Variants in PPP1R12B observed in about 807,000 individuals in gnomAD.
PPP1R12B encodes protein phosphatase 1 regulatory subunit 12B, also known as myosin phosphatase target subunit 2.
In PPP1R12B, 76 loss-of-function variants were observed where a neutral mutation model predicts 126.1. The ratio of observed to expected loss-of-function variants is 0.60; its 90% confidence interval spans 0.50 to 0.73. The LOEUF (loss-of-function observed/expected upper bound fraction) is 0.73. PPP1R12B is among the 30% of genes least tolerant of loss of function. The pLI is 0.00. For missense variants in PPP1R12B, 1,052 were observed against 1,205.1 expected (o/e 0.87, Z 1.88); for synonymous variants, 356 against 434.7 (o/e 0.82, Z 2.25).
chr1:202,521,143 C>T (rs893116256), intron 18 of PPP1R12B, among the ~76,000 whole-genome samples: 8 of 152,154 alleles, frequency 5.3e-5, no homozygotes, highest in African/African-American at 1.7e-4. Context: ...ACCCAAAATA[C>T]TTTTGGGCTA....
In PPP1R12B at chr1:202,535,579, C is replaced by T. The variant is rs1684451958; in HGVS notation, c.2491-23298C>T. On this transcript the variant is annotated intron_variant, in intron 18 of 23. Transcript: ENST00000608999. ...ATATTTGTTGGAAACTCTGTTGAGC[C>T]GACTACCTGGTGCTCTTAATTCCAT... 2.0e-5 allele frequency among the ~76,000 whole-genome samples: 3 copies of T among 152,096 alleles called. No individual in the cohort carries two copies. The South Asian group carries it at 6.2e-4, about 32-fold the overall frequency.
At chr1:202,505,833 C>A (rs2148883363) in intron 18 of PPP1R12B, among the ~76,000 whole-genome samples, 1 of 151,958 alleles carries the variant, frequency 6.6e-6, no homozygotes, top group Admixed American at 6.5e-5. Flanking sequence ...AGATTTTTCT[C>A]CTCTTAACCT....
chr1:202,558,031 T>C (rs1159230783), intron 18 of PPP1R12B, among the ~76,000 whole-genome samples: 1 of 152,190 alleles, frequency 6.6e-6, no homozygotes, highest in African/African-American at 2.4e-5. Context: ...TTTGCTTCTC[T>C]TCCTCCTCTT....
intron 18 of PPP1R12B, among the ~76,000 whole-genome samples, chr1:202,498,632 C>T (rs967093213): frequency 1.3e-5 from 2 of 152,200 alleles, no homozygotes; most frequent in African/African-American, 4.8e-5. Context: ...GCCTACAGAG[C>T]CACATGCCTG....
At chr1:202,430,913 G>C (rs1670110758) in intron 7 of PPP1R12B, 103 bp downstream of exon 7, 1 of 1,457,626 alleles carries the variant, frequency 6.9e-7, no homozygotes, top group Admixed American at 2.4e-5. Context: ...TTTGTATTTA[G>C]CCGAGTGATC....
At chr1:202,542,281 G>A (rs1685204413) in intron 18 of PPP1R12B, among the ~76,000 whole-genome samples, 1 of 152,108 alleles carries the variant, frequency 6.6e-6, no homozygotes, top group South Asian at 2.1e-4. Context: ...TATGTCTTTT[G>A]ATGCCTGGTT....
chr1:202,561,299 T>G (rs1462297435), intron 19 of PPP1R12B, among the ~76,000 whole-genome samples: 1 of 151,910 alleles, frequency 6.6e-6, no homozygotes, highest in Non-Finnish European at 1.5e-5. Flanking sequence ...TTGTTTATAA[T>G]AGCTAAAAAA....
intron 1 of PPP1R12B, among the ~76,000 whole-genome samples, chr1:202,382,855 G>T (rs1290518885): frequency 6.7e-6 from 1 of 150,112 alleles, no homozygotes; most frequent in Non-Finnish European, 1.5e-5. Context: ...CAGCCTGGGG[G>T]ACAGAGTAAG....
intron 13 of PPP1R12B, among the ~76,000 whole-genome samples, chr1:202,485,106 T>C (rs1255783048): frequency 6.6e-6 from 1 of 152,180 alleles, no homozygotes; most frequent in Non-Finnish European, 1.5e-5. Context: ...AGTGCAGGTA[T>C]GTACCGGTGA....
At chr1:202,494,700 C>T (rs1356916274) in intron 15 of PPP1R12B, among the ~76,000 whole-genome samples, 2 of 149,492 alleles carry the variant, frequency 1.3e-5, no homozygotes, top group East Asian at 2.0e-4. Context: ...AGCAAGACTC[C>T]GTCTCAAAAA....
intron 1 of PPP1R12B, among the ~76,000 whole-genome samples, chr1:202,398,744 CT>C (rs1177622664): frequency 1.3e-5 from 2 of 152,096 alleles, no homozygotes; most frequent in African/African-American, 4.8e-5. Context: ...AGGGTAATGT[CT>C]TATGTTGCCC....
chr1:202,483,385 G>T (rs760784977), intron 13 of PPP1R12B, among the ~76,000 whole-genome samples: 10 of 149,906 alleles, frequency 6.7e-5, no homozygotes, highest in Non-Finnish European at 1.3e-4. Flanking sequence ...AAAAGATAGA[G>T]AACTGGAAAG....
chr1:202,463,916 G>C (rs1029172374), intron 13 of PPP1R12B, among the ~76,000 whole-genome samples: 2 of 151,954 alleles, frequency 1.3e-5, no homozygotes, highest in African/African-American at 4.8e-5. Context: ...CTTCTTCCTG[G>C]TAATTGCGTC....
chr1:202,404,968 T>C (rs1666388090), intron 1 of PPP1R12B, among the ~76,000 whole-genome samples: 1 of 152,254 alleles, frequency 6.6e-6, no homozygotes, highest in African/African-American at 2.4e-5. Flanking sequence ...TGATAAAGTC[T>C]TAATCATTTT....
At chr1:202,517,806 G>A (rs1280081783) in intron 18 of PPP1R12B, among the ~76,000 whole-genome samples, 3 of 151,816 alleles carry the variant, frequency 2.0e-5, no homozygotes, top group African/African-American at 7.3e-5. Context: ...TGGTATTTTC[G>A]GTAGAGATGG....
At chr1:202,461,647 T>G (rs1182344333) in intron 13 of PPP1R12B, among the ~76,000 whole-genome samples, 1 of 152,186 alleles carries the variant, frequency 6.6e-6, no homozygotes, top group African/African-American at 2.4e-5. Flanking sequence ...ATCTCAAGTT[T>G]AGGAGACTTA....
intron 1 of PPP1R12B, among the ~76,000 whole-genome samples, chr1:202,415,237 T>G (rs1667917561): frequency 6.6e-6 from 1 of 152,252 alleles, no homozygotes; most frequent in Non-Finnish European, 1.5e-5. Context: ...TTTATTTTTT[T>G]AACTGTATGT....
At position 202,451,645 on chromosome 1, in the gene PPP1R12B, C is replaced by T. The variant is rs550750945; in HGVS notation, c.1850+2474C>T. On this transcript the variant is annotated intron_variant, in intron 13 of 23. Coordinates refer to ENST00000608999, the MANE Select transcript of PPP1R12B (RefSeq NM_002481.4). ...TTTCCCCCTTTTCTATTCCACAAAA[C>T]CGCCATTGTCATCATGGCCCGTTCT... 1.1e-4 allele frequency among the ~76,000 whole-genome samples: 16 copies of T among 152,294 alleles called. No homozygotes were observed. The South Asian group carries it at 3.1e-3, about 30-fold the overall frequency.
chr1:202,378,721 G>A (rs1661694003), intron 1 of PPP1R12B, among the ~76,000 whole-genome samples: 1 of 152,152 alleles, frequency 6.6e-6, no homozygotes, highest in Admixed American at 6.5e-5. Context: ...CTGGTGATCC[G>A]CCCACCTCGG....
Sources: gnomAD v4.1 joint callset for allele counts (sites outside exome capture counted in the v4.1 genomes callset) on GRCh38, gnomAD v4.1.1 for gene constraint, MANE v1.5 for transcripts, NCBI Gene and HGNC (gene_info 2026-07-23, HGNC 2026-07-21) for gene names.